ESPL1: variants seen among roughly 807,000 people sequenced by gnomAD.
ESPL1 encodes extra spindle pole bodies like 1, separase.
A neutral mutation model predicts 217.2 loss-of-function variants in ESPL1; 50 were observed. The ratio of observed to expected loss-of-function variants is 0.23; its 90% CI spans 0.18 to 0.29. The LOEUF (loss-of-function observed/expected upper bound fraction) is 0.29, where lower values mean the gene tolerates loss of function less well. ESPL1 is among the 10% of genes least tolerant of loss of function. ESPL1 has a pLI of 1.00. For missense variants in ESPL1, 1,834 were observed against 2,603.0 expected (o/e 0.70, Z 6.43); for synonymous variants, 994 against 1,081.3 (o/e 0.92, Z 1.58).
chr12:53,277,458 C>A lies in ESPL1; in HGVS notation c.2086-12C>A. Reference sequence around the variant, plus strand: ...ACTGTGCCCTGTTTTATACCCCGATCTTCCCATCCAGGGTATCGAGCGGGA... The same window carrying A: ...ACTGTGCCCTGTTTTATACCCCGATATTCCCATCCAGGGTATCGAGCGGGA... On this transcript the variant is annotated splice_polypyrimidine_tract_variant and intron_variant, in intron 9 of 30. Transcript: ENST00000257934. 1.2e-6 allele frequency: 2 copies of A among 1,613,112 alleles called. No homozygotes were observed. Among genetic ancestry groups the A allele is most frequent in the Non-Finnish European group, 1.7e-6 (2 of 1,179,592 alleles).
In ESPL1 at chr12:53,268,389, A is replaced by T. The variant is rs965558033; in HGVS notation, c.-13+12A>T. ...CGAGCTCTGGGGCGGTAAGGCCGGAAGGGACTCGTGAGCGTGGGTACGTGC... is the reference window on the plus strand; with the variant it reads ...CGAGCTCTGGGGCGGTAAGGCCGGATGGGACTCGTGAGCGTGGGTACGTGC... On this transcript the variant is annotated intron_variant, in intron 1 of 30. Coordinates refer to ENST00000257934, the MANE Select transcript of ESPL1 (RefSeq NM_012291.5). 4.4e-6 allele frequency: 1 copy of T among 226,306 alleles called. No homozygotes were observed. The highest frequency in any genetic ancestry group is 8.8e-6 in the Non-Finnish European group (1 of 113,020). 14.0% of individuals were successfully genotyped at this position (226,306 alleles called of 1,614,324 possible).
chr12:53,286,431 T>C lies in ESPL1; in HGVS notation c.3695T>C (p.Leu1232Pro). The C allele has an allele frequency of 6.2e-7, 1 of 1,614,198 alleles. No individual in the cohort carries two copies. The highest frequency in any genetic ancestry group is 8.5e-7 in the Non-Finnish European group (1 of 1,180,034). ...ILAQAYTLLALEGLNQPSNES... is the reference protein window; with the variant it reads ...ILAQAYTLLAPEGLNQPSNES... ...GCTCAAGCATACACACTGTTGGCACTGGAGGGCCTGAACCAGCCATCAAAC... is the reference window on the plus strand; with the variant it reads ...GCTCAAGCATACACACTGTTGGCACCGGAGGGCCTGAACCAGCCATCAAAC... The change falls in exon 18 of 31, where the codon CTG (leucine) becomes CCG (proline). Residue 1232 changes from leucine to proline, a missense_variant. Leu to Pro is a moderately conservative substitution (Grantham distance 98, BLOSUM62 -3). This residue lies in a region of ESPL1 where 681 missense variants were observed against 808.0 expected (regional missense o/e 0.84). Transcript: ENST00000257934. The surrounding 1 kb of genome is among the most constrained non-coding windows in gnomAD (Gnocchi z 5.3).
In ESPL1 at chr12:53,286,061, G is replaced by A; in HGVS notation, c.3325G>A (p.Val1109Met). 6.2e-7 allele frequency: 1 copy of A among 1,610,868 alleles called. No individual in the cohort carries two copies. Among genetic ancestry groups the A allele is most frequent in the Middle Eastern group, 1.7e-4 (1 of 6,052 alleles). ...CCTAAGAGGCCCTGCTCTAGAGCTG[G>A]TGGCCACTGTGGCCAAGGAGCCTGG... ...LFLRGPALEL[V>M]ATVAKEPGPI... The change falls in exon 18 of 31, where the codon GTG becomes ATG. Residue 1109 changes from valine to methionine, a missense_variant. By Grantham distance (21) the Val-to-Met change is conservative. Around this residue, in one of 5 missense-constraint regions of ESPL1, gnomAD observed 681 missense variants for 808.0 expected, o/e 0.84. Transcript: ENST00000257934. This position sits in a 1 kb window ranked among gnomAD's most constrained non-coding sequence, Gnocchi z 5.3.
chr12:53,285,601 C>T (rs543306115), intron 17 of ESPL1, among the ~76,000 whole-genome samples: 15 of 151,760 alleles, frequency 9.9e-5, no homozygotes, highest in East Asian at 1.9e-4. Flanking sequence ...CCCAGCTACT[C>T]GGGAGGCTGA....
rs758562237 is a variant in ESPL1 at position 53,291,848 on chromosome 12, G to A, written c.5679G>A (p.Leu1893=). The change falls in exon 26 of 31, where the codon TTG becomes TTA. Residue 1893 remains leucine (L), a synonymous_variant. Coordinates refer to ENST00000257934, the MANE Select transcript of ESPL1 (RefSeq NM_012291.5). ...LTVPSNSHLV[L]VLDKDLQKLP... is the part of the protein sequence containing the mutation. ...TACCAAGCAATAGCCACCTTGTCTT[G>A]GTCCTAGACAAGGTAAGGAGCTGGG... 13 of 1,585,922 alleles carry A rather than the reference G, an allele frequency of 8.2e-6. No homozygotes were observed. The highest frequency in any genetic ancestry group is 9.4e-6 in the Non-Finnish European group (11 of 1,164,910).
At chr12:53,272,691 A>T in intron 5 of ESPL1, 30 bp from the exon 6 acceptor site, 2 of 1,607,834 alleles carry the variant, frequency 1.2e-6, no homozygotes, top group Non-Finnish European at 1.7e-6. Context: ...AGCCTTTCCT[A>T]TGGTCAATTG....
At position 53,276,540 on chromosome 12, in the gene ESPL1, G is replaced by A. The variant is rs1352785865; in HGVS notation, c.1701-80G>A. Reference sequence around the variant, plus strand: ...AACCTACTGAGCAAGCCAAGGCTGGGGCTCCTCAGCATGGGAGCAGGTAGC... The same window carrying A: ...AACCTACTGAGCAAGCCAAGGCTGGAGCTCCTCAGCATGGGAGCAGGTAGC... On this transcript the variant is annotated intron_variant, in intron 7 of 30. Coordinates refer to ENST00000257934, the MANE Select transcript of ESPL1 (RefSeq NM_012291.5). 1.0e-5 allele frequency: 15 copies of A among 1,435,286 alleles called. No individual in the cohort carries two copies. The Admixed American group carries it at 2.3e-4, about 22-fold the overall frequency. 88.9% of individuals were successfully genotyped at this position (1,435,286 alleles called of 1,614,324 possible).
intron 20 of ESPL1, 148 bp from the exon 21 acceptor site, chr12:53,288,942 G>A (rs763226164): frequency 1.0e-4 from 74 of 728,772 alleles, no homozygotes; most frequent in Middle Eastern, 6.3e-4. Context: ...TTAGTTGCAT[G>A]GCACCCCACT....
Position 53,292,284 on chromosome 12 carries a change from G to A in ESPL1, c.5803G>A (p.Ala1935Thr). Reference protein sequence around the residue: ...LSYSIIKEYGASPVLSQGVDP... With the variant: ...LSYSIIKEYGTSPVLSQGVDP... Reference sequence around the variant, plus strand: ...GCCAGTGTCTCCTCCTCAGTATGGGGCCTCGCCAGTGCTGAGTCAAGGGGT... The same window carrying A: ...GCCAGTGTCTCCTCCTCAGTATGGGACCTCGCCAGTGCTGAGTCAAGGGGT... The change falls in exon 28 of 31, where the codon GCC becomes ACC. Residue 1935 changes from alanine to threonine, a missense_variant. Ala to Thr is a moderately conservative substitution (Grantham distance 58, BLOSUM62 0). This residue lies in a region of ESPL1 where 295 missense variants were observed against 519.8 expected (regional missense o/e 0.57). Coordinates refer to ENST00000257934, the MANE Select transcript of ESPL1 (RefSeq NM_012291.5). The surrounding 1 kb of genome is among the most constrained non-coding windows in gnomAD (Gnocchi z 4.5). The A allele has an allele frequency of 6.2e-7, 1 of 1,611,082 alleles. No homozygotes were observed. Among genetic ancestry groups the A allele is most frequent in the Non-Finnish European group, 8.5e-7 (1 of 1,177,248 alleles).
chr12:53,289,121 C>T lies in ESPL1; in HGVS notation c.4740C>T (p.Ser1580=), dbSNP rs1274580409. ...CTACCCTGGACTCCATCTGTGACTCCCTGAGTGTTGCTTTCCGGGGCATTA... is the reference window on the plus strand; with the variant it reads ...CTACCCTGGACTCCATCTGTGACTCTCTGAGTGTTGCTTTCCGGGGCATTA... ...GLSTLDSICD[S]LSVAFRGISH... Residue 1580 remains serine (S), a synonymous_variant, in exon 21 of 31, where the codon TCC becomes TCT. Coordinates refer to ENST00000257934, the MANE Select transcript of ESPL1 (RefSeq NM_012291.5). 1 of 1,614,182 alleles carries T rather than the reference C, an allele frequency of 6.2e-7. No individual in the cohort carries two copies. Among genetic ancestry groups the T allele is most frequent in the East Asian group, 2.2e-5 (1 of 44,884 alleles).
chr12:53,288,622 C>G lies in ESPL1; in HGVS notation c.4631C>G (p.Pro1544Arg). The change falls in exon 20 of 31, where the codon CCC (proline) becomes CGC (arginine). Residue 1544 changes from proline (P) to arginine (R), a missense_variant. Pro to Arg is a moderately radical substitution (Grantham distance 103, BLOSUM62 -2). Transcript: ENST00000257934. ...CTGGATTCCAGCAAGAAGAAGCTGC[C>G]CAGCCCATGCCCAGACAAGGAGAGT... is the stretch of plus-strand genomic sequence containing the variant. ...LRLDSSKKKL[P>R]SPCPDKESDK... The G allele has an allele frequency of 6.2e-7, 1 of 1,613,900 alleles. No individual in the cohort carries two copies. The highest frequency in any genetic ancestry group is 1.3e-5 in the African/African-American group (1 of 75,020).
intron 17 of ESPL1, 42 bp downstream of exon 17, chr12:53,284,209 G>T: frequency 8.7e-7 from 1 of 1,150,882 alleles, no homozygotes; most frequent in South Asian, 1.2e-5. Flanking sequence ...GTGCTGAAAT[G>T]ACACACACTA....
chr12:53,286,231 G>T lies in ESPL1; in HGVS notation c.3495G>T (p.Leu1165Phe). Residue 1165 changes from leucine (L) to phenylalanine (F), a missense_variant, in exon 18 of 31, where the codon TTG becomes TTT. Leu to Phe is a conservative substitution (Grantham distance 22). Coordinates refer to ENST00000257934, the MANE Select transcript of ESPL1 (RefSeq NM_012291.5). The surrounding 1 kb of genome is among the most constrained non-coding windows in gnomAD (Gnocchi z 5.3). ...VLTAVCLRWVLVTAGVRLAMG... is the reference protein window; with the variant it reads ...VLTAVCLRWVFVTAGVRLAMG... ...CAGCAGTCTGTCTGCGCTGGGTATT[G>T]GTCACGGCAGGGGTGAGGCTGGCCA... 6.2e-7 allele frequency: 1 copy of T among 1,614,272 alleles called. No individual in the cohort carries two copies. Among genetic ancestry groups the T allele is most frequent in the Non-Finnish European group, 8.5e-7 (1 of 1,180,056 alleles).
Position 53,293,499 on chromosome 12 carries a change from C to T in ESPL1, c.*25C>T, listed in dbSNP as rs373318470. 1.4e-5 allele frequency: 21 copies of T among 1,553,308 alleles called. No homozygotes were observed. Among genetic ancestry groups the T allele is most frequent in the Non-Finnish European group, 1.5e-5 (17 of 1,125,368 alleles). On this transcript the variant is annotated 3_prime_UTR_variant, in exon 31 of 31. Coordinates refer to ENST00000257934, the MANE Select transcript of ESPL1 (RefSeq NM_012291.5). The surrounding 1 kb of genome is among the most constrained non-coding windows in gnomAD (Gnocchi z 4.2). ...ACCCCATGGAGCTGTCTTATTGATG[C>T]TAGAAGCCTCATAACTGTTCTACCT...
chr12:53,268,479 C>A, intron 1 of ESPL1, 102 bp downstream of exon 1: 1 of 405,830 alleles, frequency 2.5e-6, no homozygotes, highest in South Asian at 2.8e-5. Context: ...GAGGGAGTGT[C>A]GGGAGGCCTT....
At position 53,280,027 on chromosome 12, in the gene ESPL1, G is replaced by T. The variant is rs553993291; in HGVS notation, c.2499+161G>T. On this transcript the variant is annotated intron_variant, in intron 12 of 30. Transcript: ENST00000257934. ...GTGGAGCAGTTGGAGGCAGCTGTAA[G>T]AAGGGGAGTCATCTTTGTCCTTCCT... is the stretch of plus-strand genomic sequence containing the variant. Among the ~76,000 whole-genome samples the T allele has an allele frequency of 2.7e-4, 41 of 152,314 alleles. 1 individual carries two copies. The highest frequency in any genetic ancestry group is 9.4e-4 in the African/African-American group (39 of 41,562).
intron 20 of ESPL1, 25 bp downstream of exon 20, chr12:53,288,724 G>A (rs977332879): frequency 6.3e-6 from 10 of 1,595,372 alleles, no homozygotes; most frequent in Non-Finnish European, 8.5e-6. Context: ...CCTGATGTTG[G>A]TCACTTGGAG....
chr12:53,293,034 T>C lies in ESPL1; in HGVS notation c.6161+64T>C. ...GACTCCTGCCCTCACCCCAGGTTCT[T>C]TCCCAGGTCTGAATCTTGCCTCTCT... On this transcript the variant is annotated intron_variant, in intron 30 of 30. Transcript: ENST00000257934. The surrounding 1 kb of genome is among the most constrained non-coding windows in gnomAD (Gnocchi z 4.2). The C allele has an allele frequency of 6.7e-7, 1 of 1,496,248 alleles. No homozygotes were observed. The allele number at this position is 1,496,248 out of a possible 1,614,324, so 92.7% of individuals were successfully genotyped here.
chr12:53,282,257 C>CTTCTTCT lies in ESPL1; in HGVS notation c.2620-7_2620-6insTTCTTCT. 6.2e-7 allele frequency: 1 copy of CTTCTTCT among 1,613,694 alleles called. No individual in the cohort carries two copies. Among genetic ancestry groups the CTTCTTCT allele is most frequent in the African/African-American group, 1.3e-5 (1 of 75,042 alleles). Reference sequence around the variant, plus strand: ...TACTGCCTCCTCTGGCTCCTTCTCTCCTTCAGGTGACCAAGGGTGTCTCTC... The same window carrying CTTCTTCT: ...TACTGCCTCCTCTGGCTCCTTCTCTCTTCTTCTCTTCAGGTGACCAAGGGTGTCTCTC... On this transcript the variant is annotated splice_polypyrimidine_tract_variant and splice_region_variant and intron_variant, in intron 13 of 30. Coordinates refer to ENST00000257934, the MANE Select transcript of ESPL1 (RefSeq NM_012291.5). This position sits in a 1 kb window ranked among gnomAD's most constrained non-coding sequence, Gnocchi z 4.0.
Sources: gnomAD v4.1 joint callset for allele counts (sites outside exome capture counted in the v4.1 genomes callset) on GRCh38, gnomAD v4.1.1 for gene constraint, gnomAD v4.1.1 regional missense constraint, Gnocchi (gnomAD v3.1) non-coding constraint, MANE v1.5 for transcripts, NCBI Gene and HGNC (gene_info 2026-07-23, HGNC 2026-07-21) for gene names.